The following CADPS2 variants were observed in gnomAD, a reference collection of about 807,000 sequenced individuals.
CADPS2 encodes the protein calcium dependent secretion activator 2.
In CADPS2, 93 loss-of-function variants were observed where a neutral mutation model predicts 172.5. The observed-to-expected ratio is 0.54, with a 90% CI of 0.46 to 0.64. The LOEUF (loss-of-function observed/expected upper bound fraction) is 0.64. Ranked by LOEUF, CADPS2 falls within the 30% of genes least tolerant of loss-of-function variation. The pLI is 0.00. For synonymous variants in CADPS2, 546 were observed against 555.2 expected (o/e 0.98, Z 0.23); for missense variants, 1,420 against 1,565.9 (o/e 0.91, Z 1.57).
At chr7:122,450,844 T>C (rs554018549) in intron 15 of CADPS2, among the ~76,000 whole-genome samples, 1 of 152,232 alleles carries the variant, frequency 6.6e-6, no homozygotes, top group East Asian at 1.9e-4. Context: ...TGATAGCTAA[T>C]TTTTTGAGCA....
chr7:122,477,083 G>GAGAGA (rs1311578938), intron 12 of CADPS2, among the ~76,000 whole-genome samples: 22 of 123,816 alleles, frequency 1.8e-4, no homozygotes, highest in Non-Finnish European at 2.1e-4. Flanking sequence ...AGAGAGAGAG[G>GAGAGA]GAGAGAGAGA....
intron 3 of CADPS2, among the ~76,000 whole-genome samples, chr7:122,641,579 C>T (rs1003451695): frequency 6.6e-6 from 1 of 152,116 alleles, no homozygotes; most frequent in Non-Finnish European, 1.5e-5. Context: ...GTATGAAAGC[C>T]TCTATTATTT....
intron 8 of CADPS2, among the ~76,000 whole-genome samples, chr7:122,520,298 A>G (rs1418628932): frequency 6.6e-6 from 1 of 152,040 alleles, no homozygotes; most frequent in African/African-American, 2.4e-5. Context: ...CGACAAAACT[A>G]TTTTAAAATG....
At chr7:122,837,749 T>G (rs1398424853) in intron 1 of CADPS2, among the ~76,000 whole-genome samples, 1 of 152,174 alleles carries the variant, frequency 6.6e-6, no homozygotes, top group African/African-American at 2.4e-5. Flanking sequence ...AATCCCTGAA[T>G]AGACCAATAA....
chr7:122,839,582 G>A lies in CADPS2; in HGVS notation c.339+46417C>T, dbSNP rs199950021. Among the ~76,000 whole-genome samples the A allele has an allele frequency of 6.6e-5, 10 of 151,750 alleles. No individual in the cohort carries two copies. In the South Asian group the frequency reaches 1.0e-3, roughly 16 times the overall value. On this transcript the variant is annotated intron_variant, in intron 1 of 29. Transcript: ENST00000449022. ...TACAAAGAACTCAAACAAATTTACAGGAAAAAAACAAACAACCCCATCAAA... is the reference window on the plus strand; with the variant it reads ...TACAAAGAACTCAAACAAATTTACAAGAAAAAAACAAACAACCCCATCAAA...
chr7:122,702,048 C>G (rs745627657), intron 2 of CADPS2: 2 of 1,613,614 alleles, frequency 1.2e-6, no homozygotes, highest in Admixed American at 1.7e-5. Flanking sequence ...TGGTCAATAG[C>G]TTTCTTCACA....
intron 22 of CADPS2, among the ~76,000 whole-genome samples, chr7:122,392,761 A>AC (rs2044544865): frequency 6.6e-6 from 1 of 152,188 alleles, no homozygotes; most frequent in South Asian, 2.1e-4. Flanking sequence ...ATAAAAATAG[A>AC]AAAATATTAT....
intron 16 of CADPS2, among the ~76,000 whole-genome samples, chr7:122,438,784 AGCT>A (rs1382927531): frequency 6.6e-6 from 1 of 152,100 alleles, no homozygotes; most frequent in Non-Finnish European, 1.5e-5. Context: ...CCATTAAAGC[AGCT>A]GTTTCAGATA....
At chr7:122,399,559 C>A (rs1180685816) in intron 20 of CADPS2, among the ~76,000 whole-genome samples, 3 of 150,866 alleles carry the variant, frequency 2.0e-5, no homozygotes, top group African/African-American at 7.3e-5. Flanking sequence ...CTATGCATAG[C>A]CTTCTAATCT....
chr7:122,843,641 A>C (rs1458571332), intron 1 of CADPS2, among the ~76,000 whole-genome samples: 1 of 152,234 alleles, frequency 6.6e-6, no homozygotes, highest in Non-Finnish European at 1.5e-5. Flanking sequence ...TGACAAAAGA[A>C]AGGTAATTTC....
intron 8 of CADPS2, among the ~76,000 whole-genome samples, chr7:122,540,461 A>G (rs2062798601): frequency 6.6e-6 from 1 of 152,136 alleles, no homozygotes. Context: ...TCATTTTAAC[A>G]AAGTCTGTTG....
chr7:122,747,660 T>C (rs545165198), intron 1 of CADPS2, among the ~76,000 whole-genome samples: 76 of 152,274 alleles, frequency 5.0e-4, no homozygotes, highest in Non-Finnish European at 7.6e-4. Context: ...TTAAGAAAGT[T>C]ACCCAGTTCA....
chr7:122,715,325 A>G (rs940527566), intron 2 of CADPS2, among the ~76,000 whole-genome samples: 1 of 152,080 alleles, frequency 6.6e-6, no homozygotes, highest in Non-Finnish European at 1.5e-5. Context: ...GTCCCTAGTT[A>G]GGACTGGTTA....
chr7:122,833,209 GTCTAA>G (rs1807145729), intron 1 of CADPS2, among the ~76,000 whole-genome samples: 1 of 152,076 alleles, frequency 6.6e-6, no homozygotes, highest in African/African-American at 2.4e-5. Context: ...TCAAAACTTT[GTCTAA>G]TCTAATAGAT....
rs145600504 is a variant in CADPS2, at chr7:122,801,039, T to C, written c.340-63971A>G. Among the ~76,000 whole-genome samples the C allele has an allele frequency of 8.2e-3, 1,176 of 142,848 alleles. 9 individuals carry two copies. The highest frequency in any genetic ancestry group is 0.012 in the Non-Finnish European group (764 of 65,650). 93.7% of individuals were successfully genotyped at this position (142,848 alleles called of 152,430 possible). A position where few individuals can be genotyped will look rare whatever the true frequency, so the allele number is the denominator to read the frequency against. On this transcript the variant is annotated intron_variant, in intron 1 of 29. Coordinates refer to ENST00000449022, the MANE Select transcript of CADPS2 (RefSeq NM_017954.11). ...TTCAAGTGAACTTCTTACCTTGGGGTAATTAAGAAAAACACTATTTGGGCT... is the reference window on the plus strand; with the variant it reads ...TTCAAGTGAACTTCTTACCTTGGGGCAATTAAGAAAAACACTATTTGGGCT...
intron 9 of CADPS2, among the ~76,000 whole-genome samples, chr7:122,511,366 A>G (rs1048490975): frequency 5.3e-5 from 8 of 151,990 alleles, no homozygotes; most frequent in South Asian, 4.1e-4. Context: ...GCTAGAAAAT[A>G]AGATAAGGGG....
rs1563342731 is a variant in CADPS2, at chr7:122,439,907, G to A, written c.2353-1443C>T. Among the ~76,000 whole-genome samples, 4 of 152,052 alleles carry A rather than the reference G, an allele frequency of 2.6e-5. No homozygotes were observed. In the South Asian group the frequency reaches 8.3e-4, roughly 32 times the overall value. On this transcript the variant is annotated intron_variant, in intron 16 of 29. Transcript: ENST00000449022. ...CAAAAATGGCTGTTAAAGTTAGAAT[G>A]TATATGTCTCCCAGGTAATATTTCA...
At chr7:122,585,681 A>G (rs2069566301) in intron 6 of CADPS2, 1 of 151,918 alleles carries the variant, frequency 6.6e-6, no homozygotes, top group African/African-American at 2.4e-5. Flanking sequence ...GCCTTTCTCC[A>G]CTTCTCTGAA....
chr7:122,375,864 G>C (rs555371649), intron 25 of CADPS2, among the ~76,000 whole-genome samples: 1 of 149,660 alleles, frequency 6.7e-6, no homozygotes, highest in Non-Finnish European at 1.5e-5. Flanking sequence ...CTATTTGTCT[G>C]ATAAGGAGTT....
Sources: allele counts gnomAD v4.1 joint callset (sites outside exome capture counted in the v4.1 genomes callset), GRCh38; gene constraint gnomAD v4.1.1; transcripts MANE v1.5; gene names NCBI Gene and HGNC (gene_info 2026-07-23, HGNC 2026-07-21).